Variants in CCDC171 observed in about 807,000 individuals in gnomAD.
CCDC171 encodes the protein coiled-coil domain-containing protein 171.
A neutral mutation model predicts 168.2 loss-of-function variants in CCDC171; 177 were observed. That is an observed-to-expected ratio of 1.05 (90% CI 0.93 to 1.19). The LOEUF is 1.19. CCDC171 is among the 50% of genes most tolerant of loss of function. The probability of loss-of-function intolerance (pLI) is 0.00; values close to 1 mark genes in which losing one functional copy is unlikely to be tolerated. For synonymous variants in CCDC171, 687 were observed against 540.8 expected (o/e 1.27, Z -3.75); for missense variants, 1,991 against 1,539.0 (o/e 1.29, Z -4.91).
intron 16 of CCDC171, among the ~76,000 whole-genome samples, chr9:15,732,691 C>T (rs1265978058): frequency 6.6e-6 from 1 of 152,088 alleles, no homozygotes; most frequent in Non-Finnish European, 1.5e-5. Context: ...CAAATACTTG[C>T]TGATGGGCCT....
At chr9:15,702,243 A>G (rs1291739591) in intron 11 of CCDC171, among the ~76,000 whole-genome samples, 2 of 152,126 alleles carry the variant, frequency 1.3e-5, no homozygotes, top group African/African-American at 4.8e-5. Flanking sequence ...CCAACTTGTC[A>G]TCCAAGTTGA....
chr9:15,675,974 C>T (rs2049525232), intron 9 of CCDC171, among the ~76,000 whole-genome samples: 1 of 152,176 alleles, frequency 6.6e-6, no homozygotes, highest in Non-Finnish European at 1.5e-5. Context: ...TGTTTTCTAA[C>T]TTGGTTCCAT....
At chr9:15,639,539 A>G (rs1357191751) in intron 7 of CCDC171, among the ~76,000 whole-genome samples, 2 of 152,032 alleles carry the variant, frequency 1.3e-5, no homozygotes, top group Non-Finnish European at 2.9e-5. Flanking sequence ...TTTCTTCATT[A>G]AACTCTTTTA....
rs778533128 is a variant in CCDC171 at position 15,695,227 on chromosome 9, A to T, written c.1216-8A>T. 10 of 1,608,550 alleles carry T rather than the reference A, an allele frequency of 6.2e-6. No homozygotes were observed. In the East Asian group the frequency reaches 8.9e-5, roughly 14 times the overall value. ...GACCTTATGTGTAATTTTTTTCTTAATTAAAAGGCTAAGAAGCACCAGGCC... is the reference window on the plus strand; with the variant it reads ...GACCTTATGTGTAATTTTTTTCTTATTTAAAAGGCTAAGAAGCACCAGGCC... On this transcript the variant is annotated splice_region_variant and splice_polypyrimidine_tract_variant and intron_variant, in intron 10 of 25. Transcript: ENST00000380701.
chr9:15,946,337 T>C (rs1828379723), intron 25 of CCDC171, among the ~76,000 whole-genome samples: 1 of 151,944 alleles, frequency 6.6e-6, no homozygotes, highest in African/African-American at 2.4e-5. Context: ...GGATACAAAA[T>C]CAATGTGCAA....
At chr9:15,653,176 C>T (rs2047660408) in intron 7 of CCDC171, among the ~76,000 whole-genome samples, 1 of 151,946 alleles carries the variant, frequency 6.6e-6, no homozygotes, top group South Asian at 2.1e-4. Context: ...TCTCGTTCCT[C>T]TTGCCTAGGT....
intron 10 of CCDC171, among the ~76,000 whole-genome samples, chr9:15,687,950 C>G (rs969900073): frequency 2.0e-5 from 3 of 152,022 alleles, no homozygotes; most frequent in South Asian, 4.1e-4. Flanking sequence ...GAAACCCCGT[C>G]TGTACTGAAA....
intron 2 of CCDC171, among the ~76,000 whole-genome samples, chr9:15,569,043 CT>C (rs1192767170): frequency 6.6e-6 from 1 of 152,162 alleles, no homozygotes; most frequent in East Asian, 1.9e-4. Context: ...ATTTGTTAGT[CT>C]TTTGTATAAA....
intron 11 of CCDC171, among the ~76,000 whole-genome samples, chr9:15,719,225 G>T (rs961907077): frequency 1.3e-5 from 2 of 151,922 alleles, no homozygotes; most frequent in Non-Finnish European, 2.9e-5. Flanking sequence ...CAGTAGAATT[G>T]ATTAAGCAAA....
intron 25 of CCDC171, among the ~76,000 whole-genome samples, chr9:15,950,143 G>T (rs1251881876): frequency 6.6e-6 from 1 of 152,084 alleles, no homozygotes; most frequent in Non-Finnish European, 1.5e-5. Context: ...CCAAATCTAC[G>T]TCTGATTGGT....
At chr9:15,938,084 TATC>T (rs1827304196) in intron 25 of CCDC171, among the ~76,000 whole-genome samples, 1 of 151,924 alleles carries the variant, frequency 6.6e-6, no homozygotes, top group African/African-American at 2.4e-5. Flanking sequence ...TTTACACTGG[TATC>T]TACCTCATCT....
chr9:15,993,450 G>A (rs1032689179), intron 3 of CCDC171, among the ~76,000 whole-genome samples: 1 of 152,098 alleles, frequency 6.6e-6, no homozygotes, highest in Non-Finnish European at 1.5e-5. Flanking sequence ...ATTTCAAGAT[G>A]GGTTAAAGAC....
intron 7 of CCDC171, among the ~76,000 whole-genome samples, chr9:15,650,214 A>G (rs567541764): frequency 6.6e-6 from 1 of 152,286 alleles, no homozygotes; most frequent in African/African-American, 2.4e-5. Flanking sequence ...ACACTTGGAC[A>G]CAGGATGGGG....
chr9:15,628,981 G>GA (rs2045433769), intron 7 of CCDC171, among the ~76,000 whole-genome samples: 2 of 152,306 alleles, frequency 1.3e-5, no homozygotes, highest in South Asian at 4.1e-4. Flanking sequence ...CTGTCTGTTA[G>GA]AAGGAAAACT....
intron 21 of CCDC171, among the ~76,000 whole-genome samples, chr9:15,795,717 G>T (rs1195193700): frequency 6.6e-6 from 1 of 152,210 alleles, no homozygotes; most frequent in Non-Finnish European, 1.5e-5. Flanking sequence ...GCCCTACTAT[G>T]AAATGTGGAT....
chr9:15,796,597 A>G (rs574711309), intron 21 of CCDC171, among the ~76,000 whole-genome samples: 4 of 152,332 alleles, frequency 2.6e-5, no homozygotes, highest in South Asian at 4.1e-4. Flanking sequence ...AAATGTATAC[A>G]TTGTTTAACT....
intron 24 of CCDC171, among the ~76,000 whole-genome samples, chr9:15,907,752 C>A (rs1822921598): frequency 6.6e-6 from 1 of 152,218 alleles, no homozygotes; most frequent in Non-Finnish European, 1.5e-5. Context: ...TTTTCGCAAT[C>A]TAGTCATCTG....
At chr9:16,042,494 T>C (rs1833588641), upstream of CCDC171, among the ~76,000 whole-genome samples, 1 of 152,204 alleles carries the variant, frequency 6.6e-6, no homozygotes, top group Non-Finnish European at 1.5e-5. Context: ...CACTTGATTT[T>C]TCTGAGCCTC....
chr9:15,695,691 C>T (rs542189772), intron 11 of CCDC171, among the ~76,000 whole-genome samples: 1 of 152,156 alleles, frequency 6.6e-6, no homozygotes, highest in African/African-American at 2.4e-5. Flanking sequence ...CTGAGGCAAC[C>T]TTCAGCAACT....
Sources: gnomAD v4.1 joint callset for allele counts (sites outside exome capture counted in the v4.1 genomes callset) on GRCh38, gnomAD v4.1.1 for gene constraint, MANE v1.5 for transcripts, NCBI Gene and HGNC (gene_info 2026-07-23, HGNC 2026-07-21) for gene names.